Variants in HIF1A observed in about 807,000 individuals in gnomAD.
HIF1A encodes the protein hypoxia-inducible factor 1-alpha.
A neutral mutation model predicts 92.7 loss-of-function variants in HIF1A; 24 were observed. That is an observed-to-expected ratio of 0.26 (90% CI 0.19 to 0.36). The LOEUF (loss-of-function observed/expected upper bound fraction) is 0.36. Ranked by LOEUF, HIF1A falls within the 10% of genes least tolerant of loss-of-function variation. The probability of loss-of-function intolerance (pLI) is 1.00; values close to 1 mark genes in which losing one functional copy is unlikely to be tolerated. For synonymous variants in HIF1A, 319 were observed against 338.7 expected (o/e 0.94, Z 0.64); for missense variants, 799 against 998.5 (o/e 0.80, Z 2.69).
At chr14:61,703,524 TTGCA>T in intron 1 of HIF1A, among the ~76,000 whole-genome samples, 1 of 152,110 alleles carries the variant, frequency 6.6e-6, no homozygotes, top group Non-Finnish European at 1.5e-5. Flanking sequence ...TTTGCTCTAT[TTGCA>T]TGCTGGCCTT....
chr14:61,704,336 G>T (rs920102140), intron 1 of HIF1A, among the ~76,000 whole-genome samples: 14 of 151,902 alleles, frequency 9.2e-5, no homozygotes, highest in South Asian at 8.3e-4. Context: ...CCTTTACTTG[G>T]TTTTTTTTCC....
rs1028582189 is a variant in HIF1A at position 61,730,586 on chromosome 14, GCCTTT to G, written c.774-1826_774-1822del. On this transcript the variant is annotated intron_variant, in intron 6 of 14. Coordinates refer to ENST00000337138, the MANE Select transcript of HIF1A (RefSeq NM_001530.4). ...ATACCTTTTTCCTGAAAGCGGTTTT[GCCTTT>G]CCTTTGTCTCTAGTCATAAGTCTCC... Among the ~76,000 whole-genome samples the G allele has an allele frequency of 5.9e-5, 9 of 152,194 alleles. No homozygotes were observed. The East Asian group carries it at 1.7e-3, about 29-fold the overall frequency.
intron 1 of HIF1A, among the ~76,000 whole-genome samples, chr14:61,718,097 T>C (rs1344518594): frequency 6.6e-6 from 1 of 151,936 alleles, no homozygotes; most frequent in Non-Finnish European, 1.5e-5. Flanking sequence ...TGGGTAGTCA[T>C]TTATTGGTAG....
chr14:61,713,019 T>C (rs558365144), intron 1 of HIF1A, among the ~76,000 whole-genome samples: 34 of 151,646 alleles, frequency 2.2e-4, no homozygotes, highest in Admixed American at 8.5e-4. Context: ...GTTTCTCTTA[T>C]AAATTTACCA....
intron 4 of HIF1A, among the ~76,000 whole-genome samples, chr14:61,725,271 T>C (rs1238823267): frequency 6.6e-6 from 1 of 152,214 alleles, no homozygotes; most frequent in African/African-American, 2.4e-5. Flanking sequence ...CATTTTTAAC[T>C]TCTTCAGGAA....
In HIF1A at chr14:61,743,717, A is replaced by G. The variant is rs117333150; in HGVS notation, c.2094-988A>G. 3.5e-4 allele frequency among the ~76,000 whole-genome samples: 54 copies of G among 152,350 alleles called. No homozygotes were observed. In the East Asian group the frequency reaches 0.01, roughly 29 times the overall value. On this transcript the variant is annotated intron_variant, in intron 12 of 14. Coordinates refer to ENST00000337138, the MANE Select transcript of HIF1A (RefSeq NM_001530.4). ...TTGTGGGGTGTCTTGAAAAGTCAAAATAATGTAACAAAGCTGATGTACTTT... is the reference window on the plus strand; with the variant it reads ...TTGTGGGGTGTCTTGAAAAGTCAAAGTAATGTAACAAAGCTGATGTACTTT...
chr14:61,731,092 T>C (rs1187509297), intron 6 of HIF1A, among the ~76,000 whole-genome samples: 1 of 152,174 alleles, frequency 6.6e-6, no homozygotes, highest in Non-Finnish European at 1.5e-5. Context: ...TGCCTTTAAG[T>C]GTGAGAACAC....
At chr14:61,714,815 C>T (rs1461628493) in intron 1 of HIF1A, among the ~76,000 whole-genome samples, 2 of 152,156 alleles carry the variant, frequency 1.3e-5, no homozygotes, top group Non-Finnish European at 2.9e-5. Context: ...GGGCAGATCA[C>T]CTGAGGTCAG....
chr14:61,746,842 T>C (rs2044798827), intron 14 of HIF1A, 92 bp from the exon 15 acceptor site: 2 of 1,058,454 alleles, frequency 1.9e-6, no homozygotes, highest in South Asian at 3.6e-5. Flanking sequence ...GAATTTTGCT[T>C]TATTTTCTAT....
At chr14:61,710,269 G>T (rs1472402381) in intron 1 of HIF1A, among the ~76,000 whole-genome samples, 1 of 152,158 alleles carries the variant, frequency 6.6e-6, no homozygotes, top group Non-Finnish European at 1.5e-5. Flanking sequence ...TGTTTTGTCA[G>T]TTAGGGATTG....
chr14:61,714,467 A>G (rs1427714100), intron 1 of HIF1A, among the ~76,000 whole-genome samples: 2 of 152,190 alleles, frequency 1.3e-5, no homozygotes. Flanking sequence ...TCCTGTGGGA[A>G]ATGATGGAAT....
intron 1 of HIF1A, among the ~76,000 whole-genome samples, chr14:61,713,716 T>G (rs1257659996): frequency 6.6e-6 from 1 of 152,194 alleles, no homozygotes; most frequent in Non-Finnish European, 1.5e-5. Context: ...GTAAACATGT[T>G]TCCCTGAGTT....
At chr14:61,729,908 G>A (rs2044555043) in intron 6 of HIF1A, among the ~76,000 whole-genome samples, 1 of 152,036 alleles carries the variant, frequency 6.6e-6, no homozygotes, top group African/African-American at 2.4e-5. Context: ...GCTCTTTCCA[G>A]GAACTTCTTG....
chr14:61,700,989 A>G (rs1006929391), intron 1 of HIF1A, among the ~76,000 whole-genome samples: 2 of 152,200 alleles, frequency 1.3e-5, no homozygotes. Context: ...AGGAGAATTC[A>G]ATTTTTCTAG....
chr14:61,708,153 TG>T (rs1337775355), intron 1 of HIF1A, among the ~76,000 whole-genome samples: 2 of 152,232 alleles, frequency 1.3e-5, no homozygotes, highest in Non-Finnish European at 2.9e-5. Context: ...TTGATGGGGT[TG>T]TTTTTTTCTT....
chr14:61,707,016 T>C (rs2044246155), intron 1 of HIF1A, among the ~76,000 whole-genome samples: 1 of 152,246 alleles, frequency 6.6e-6, no homozygotes, highest in Admixed American at 6.5e-5. Flanking sequence ...TGTATTAATG[T>C]CTTAGGAGGT....
chr14:61,721,351 T>C (rs1194505372), intron 2 of HIF1A, among the ~76,000 whole-genome samples, 158 bp from the exon 3 acceptor site: 4 of 152,254 alleles, frequency 2.6e-5, no homozygotes, highest in African/African-American at 4.8e-5. Flanking sequence ...CATCTAATTA[T>C]AGTTTTTCTA....
chr14:61,704,424 A>C (rs2044213421), intron 1 of HIF1A, among the ~76,000 whole-genome samples: 1 of 152,164 alleles, frequency 6.6e-6, no homozygotes. Context: ...CCATAGTGGT[A>C]ATACTAAAGG....
chr14:61,713,336 A>G (rs1229742073), intron 1 of HIF1A, among the ~76,000 whole-genome samples: 1 of 152,344 alleles, frequency 6.6e-6, no homozygotes, highest in Admixed American at 6.5e-5. Context: ...AATAATGATC[A>G]GCTAGTGGTT....
Sources: gnomAD v4.1 joint callset for allele counts (sites outside exome capture counted in the v4.1 genomes callset) on GRCh38, gnomAD v4.1.1 for gene constraint, MANE v1.5 for transcripts, NCBI Gene and HGNC (gene_info 2026-07-23, HGNC 2026-07-21) for gene names.